CD2AP: variants seen among roughly 807,000 people sequenced by gnomAD.
CD2AP encodes the protein CD2-associated protein.
In CD2AP, 46 loss-of-function variants were observed where a neutral mutation model predicts 85.1. That is an observed-to-expected ratio of 0.54 (90% CI 0.43 to 0.69). CD2AP has a LOEUF of 0.69. Ranked by LOEUF, CD2AP falls within the 30% of genes least tolerant of loss-of-function variation. CD2AP has a pLI of 0.00. For missense variants in CD2AP, 769 were observed against 729.5 expected, an observed-to-expected ratio of 1.05 and a Z score of -0.62; for synonymous variants, 255 against 252.9, an observed-to-expected ratio of 1.01 and a Z score of -0.08.
At chr6:47,576,931 C>T (rs925687129) in intron 7 of CD2AP, 78 bp from the exon 8 acceptor site, 2 of 839,068 alleles carry the variant, frequency 2.4e-6, no homozygotes, top group African/African-American at 3.3e-5. Flanking sequence ...GTATACTTTA[C>T]ACAAGATAGA....
intron 2 of CD2AP, among the ~76,000 whole-genome samples, chr6:47,512,820 C>G (rs1441459382): frequency 6.6e-6 from 1 of 152,202 alleles, no homozygotes; most frequent in Non-Finnish European, 1.5e-5. Flanking sequence ...ATCCTTTAGT[C>G]CATAGTTTTA....
intron 1 of CD2AP, among the ~76,000 whole-genome samples, chr6:47,489,750 G>A (rs1765675629): frequency 6.6e-6 from 1 of 152,088 alleles, no homozygotes; most frequent in Non-Finnish European, 1.5e-5. Context: ...AAGATGTGGA[G>A]GAGACAGAAT....
At chr6:47,523,710 A>T (rs1397628163) in intron 2 of CD2AP, among the ~76,000 whole-genome samples, 1 of 152,180 alleles carries the variant, frequency 6.6e-6, no homozygotes, top group Non-Finnish European at 1.5e-5. Flanking sequence ...GAAATACTTT[A>T]TACAGGTAAT....
At chr6:47,575,927 G>GAC (rs1768295120) in intron 6 of CD2AP, among the ~76,000 whole-genome samples, 1 of 152,082 alleles carries the variant, frequency 6.6e-6, no homozygotes, top group African/African-American at 2.4e-5. Context: ...ATGGACAGAT[G>GAC]ACTTATACAA....
At position 47,562,339 on chromosome 6, in the gene CD2AP, C is replaced by A. The variant is rs577112744; in HGVS notation, c.541+7573C>A. Among the ~76,000 whole-genome samples the A allele has an allele frequency of 1.5e-4, 23 of 152,216 alleles. No homozygotes were observed. In the South Asian group the frequency reaches 4.8e-3, roughly 32 times the overall value. On this transcript the variant is annotated intron_variant, in intron 5 of 17. Coordinates refer to ENST00000359314, the MANE Select transcript of CD2AP (RefSeq NM_012120.3). ...TAGAAAGTGACAGGAAAAAATGTTA[C>A]TTTACATAGTCATAAAATACCAGTA...
intron 1 of CD2AP, among the ~76,000 whole-genome samples, chr6:47,481,853 A>T (rs777222983): frequency 6.6e-6 from 1 of 152,222 alleles, no homozygotes; most frequent in Non-Finnish European, 1.5e-5. Flanking sequence ...ATCATAGCTC[A>T]CTGCAGCCTC....
chr6:47,534,880 G>C (rs1766985649), intron 3 of CD2AP, among the ~76,000 whole-genome samples: 1 of 149,682 alleles, frequency 6.7e-6, no homozygotes, highest in Non-Finnish European at 1.5e-5. Context: ...CTGCGGCCTT[G>C]ACCTCCCAGG....
At chr6:47,534,680 CAAAAG>C (rs754113892) in intron 3 of CD2AP, among the ~76,000 whole-genome samples, 3 of 152,020 alleles carry the variant, frequency 2.0e-5, no homozygotes, top group African/African-American at 7.2e-5. Flanking sequence ...CTCCAAAAAA[CAAAAG>C]AAACTGTTAT....
intron 1 of CD2AP, among the ~76,000 whole-genome samples, chr6:47,491,000 G>T (rs1005047619): frequency 1.3e-5 from 2 of 151,980 alleles, no homozygotes; most frequent in Non-Finnish European, 2.9e-5. Context: ...TAATTAAAAG[G>T]ACTTTAGGAT....
intron 17 of CD2AP, among the ~76,000 whole-genome samples, chr6:47,612,780 ATT>A (rs1769484102): frequency 1.3e-5 from 2 of 152,174 alleles, no homozygotes; most frequent in South Asian, 4.1e-4. Context: ...GTTCCCACTT[ATT>A]TGTGGGAGCT....
rs372981648 is a variant in CD2AP, at chr6:47,591,423, T to A, written c.1109-4438T>A. Among the ~76,000 whole-genome samples, 6 of 152,170 alleles carry A rather than the reference T, an allele frequency of 3.9e-5. No homozygotes were observed. The East Asian group carries it at 9.6e-4, about 24-fold the overall frequency. On this transcript the variant is annotated intron_variant, in intron 11 of 17. Transcript: ENST00000359314. ...TAAACTTCAGTGAGATAAATACGAATAAATATATTTTGTCCTAAAATTTTC... is the reference window on the plus strand; with the variant it reads ...TAAACTTCAGTGAGATAAATACGAAAAAATATATTTTGTCCTAAAATTTTC...
intron 17 of CD2AP, among the ~76,000 whole-genome samples, chr6:47,613,028 A>G (rs1311428822): frequency 1.3e-5 from 2 of 152,114 alleles, no homozygotes; most frequent in Non-Finnish European, 2.9e-5. Context: ...TCACAAAGCT[A>G]CTTTCTTTGC....
intron 11 of CD2AP, among the ~76,000 whole-genome samples, chr6:47,590,631 G>T (rs945741138): frequency 6.6e-6 from 1 of 152,004 alleles, no homozygotes; most frequent in African/African-American, 2.4e-5. Flanking sequence ...CTCACCATCG[G>T]GTTTGAGTAT....
intron 1 of CD2AP, among the ~76,000 whole-genome samples, chr6:47,502,832 C>T (rs1482525969): frequency 6.6e-6 from 1 of 152,108 alleles, no homozygotes; most frequent in Non-Finnish European, 1.5e-5. Context: ...CTCGGCCTCC[C>T]AAAGTGCTGG....
chr6:47,574,975 T>C (rs1206294901), intron 6 of CD2AP, among the ~76,000 whole-genome samples: 4 of 152,218 alleles, frequency 2.6e-5, no homozygotes, highest in Admixed American at 2.0e-4. Context: ...TTCGTGTAGC[T>C]ACATCTCATT....
chr6:47,497,832 A>C (rs1412097726), intron 1 of CD2AP, among the ~76,000 whole-genome samples: 1 of 152,226 alleles, frequency 6.6e-6, no homozygotes, highest in Non-Finnish European at 1.5e-5. Context: ...TAAGGATAGC[A>C]TACAGTTTTA....
At chr6:47,544,456 C>G in intron 3 of CD2AP, 150 bp from the exon 4 acceptor site, 1 of 603,072 alleles carries the variant, frequency 1.7e-6, no homozygotes. Flanking sequence ...AAAAGCTAAC[C>G]AGGGCTGATT....
intron 1 of CD2AP, among the ~76,000 whole-genome samples, chr6:47,483,735 C>G (rs1765501619): frequency 6.6e-6 from 1 of 151,584 alleles, no homozygotes; most frequent in East Asian, 1.9e-4. Context: ...CAGGATATTC[C>G]CTGGGTATAG....
chr6:47,623,898 A>G (rs1333083475), intron 17 of CD2AP, among the ~76,000 whole-genome samples: 1 of 152,082 alleles, frequency 6.6e-6, no homozygotes, highest in Non-Finnish European at 1.5e-5. Flanking sequence ...TCTTTGTAGG[A>G]CTGACTGATT....
Sources: gnomAD v4.1 joint callset for allele counts (sites outside exome capture counted in the v4.1 genomes callset) on GRCh38, gnomAD v4.1.1 for gene constraint, MANE v1.5 for transcripts, NCBI Gene and HGNC (gene_info 2026-07-23, HGNC 2026-07-21) for gene names.